CHCHD3: variants seen among roughly 807,000 people sequenced by gnomAD.
CHCHD3 encodes the protein MICOS complex subunit MIC19.
In CHCHD3, 20 loss-of-function variants were observed where a neutral mutation model predicts 38.2. The ratio of observed to expected loss-of-function variants is 0.52; its 90% CI spans 0.37 to 0.76. The LOEUF is 0.76. Ranked by LOEUF, CHCHD3 falls within the 30% of genes least tolerant of loss-of-function variation. The pLI is 0.00. For missense variants in CHCHD3, 245 were observed against 279.2 expected (o/e 0.88, Z 0.87); for synonymous variants, 82 against 100.0 (o/e 0.82, Z 1.07).
chr7:132,958,221 GAGA>G (rs1234514539), intron 4 of CHCHD3, among the ~76,000 whole-genome samples: 24 of 152,294 alleles, frequency 1.6e-4, no homozygotes, highest in African/African-American at 5.3e-4. Flanking sequence ...CAGGGCAGAG[GAGA>G]AGAACACAAC....
In CHCHD3 at chr7:132,821,560, A is replaced by G. The variant is rs566013386; in HGVS notation, c.524+16839T>C. On this transcript the variant is annotated intron_variant, in intron 6 of 7. Coordinates refer to ENST00000262570, the MANE Select transcript of CHCHD3 (RefSeq NM_017812.4). ...GAACCACAGACGAGAGAAAATAAGC[A>G]TATTTTCTGGTAGATGCTACAGCAA... is the stretch of plus-strand genomic sequence containing the variant. Among the ~76,000 whole-genome samples the G allele has an allele frequency of 5.3e-5, 8 of 152,244 alleles. No individual in the cohort carries two copies. In the East Asian group the frequency reaches 1.2e-3, roughly 22 times the overall value.
At position 133,071,461 on chromosome 7, in the gene CHCHD3, G is replaced by A. The variant is rs1348037266; in HGVS notation, c.82-1232C>T. Among the ~76,000 whole-genome samples the A allele has an allele frequency of 2.0e-5, 3 of 152,126 alleles. No individual in the cohort carries two copies. The East Asian group carries it at 5.8e-4, about 29-fold the overall frequency. The stretch of plus-strand genomic sequence containing the variant: ...AAACAGTTTGAACTTGACCCTGAGG[G>A]TACCTGAGCACTACTGAAGGATTTT... On this transcript the variant is annotated intron_variant, in intron 1 of 7. Coordinates refer to ENST00000262570, the MANE Select transcript of CHCHD3 (RefSeq NM_017812.4).
intron 3 of CHCHD3, among the ~76,000 whole-genome samples, chr7:132,996,370 T>C (rs899756683): frequency 6.6e-6 from 1 of 152,220 alleles, no homozygotes; most frequent in African/African-American, 2.4e-5. Context: ...TTCCACTCTT[T>C]GTTTTTCCCC....
intron 3 of CHCHD3, among the ~76,000 whole-genome samples, chr7:132,986,250 A>G (rs1316656294): frequency 6.8e-6 from 1 of 146,690 alleles, no homozygotes; most frequent in Admixed American, 6.8e-5. Context: ...TCAAGTACCC[A>G]GGGACATAAA....
intron 3 of CHCHD3, among the ~76,000 whole-genome samples, chr7:133,017,391 C>A (rs557581963): frequency 1.3e-5 from 2 of 152,324 alleles, no homozygotes; most frequent in Admixed American, 1.3e-4. Context: ...AAACATTAAT[C>A]TTTTATGCAA....
intron 4 of CHCHD3, among the ~76,000 whole-genome samples, chr7:132,905,376 C>G (rs1292341698): frequency 6.6e-6 from 1 of 151,768 alleles, no homozygotes; most frequent in African/African-American, 2.4e-5. Context: ...CATGTTCTCA[C>G]TTATAAGTGG....
intron 5 of CHCHD3, among the ~76,000 whole-genome samples, chr7:132,840,409 A>C (rs773596781): frequency 6.6e-6 from 1 of 152,236 alleles, no homozygotes; most frequent in Non-Finnish European, 1.5e-5. Flanking sequence ...CTAAGCAATA[A>C]CATCTTAATT....
At chr7:132,874,030 T>C (rs369584880) in intron 5 of CHCHD3, among the ~76,000 whole-genome samples, 1 of 152,304 alleles carries the variant, frequency 6.6e-6, no homozygotes, top group African/African-American at 2.4e-5. Flanking sequence ...ATTTGGAAGA[T>C]GCATCTCTAG....
At chr7:133,013,830 T>C (rs1193930984) in intron 3 of CHCHD3, among the ~76,000 whole-genome samples, 1 of 152,322 alleles carries the variant, frequency 6.6e-6, no homozygotes, top group East Asian at 1.9e-4. Context: ...CATCTGTATT[T>C]ACTGAATTCC....
intron 7 of CHCHD3, among the ~76,000 whole-genome samples, chr7:132,795,540 C>G (rs192975036): frequency 9.8e-4 from 149 of 152,274 alleles, no homozygotes; most frequent in African/African-American, 3.4e-3. Flanking sequence ...AATACTAACC[C>G]TCCCGTCGGA....
intron 6 of CHCHD3, chr7:132,830,602 C>A (rs769534492): frequency 6.6e-6 from 1 of 152,080 alleles, no homozygotes; most frequent in Non-Finnish European, 1.5e-5. Context: ...TCTAAATAAC[C>A]GAGTCCATGT....
chr7:132,807,606 AATATATATAT>A (rs55835343), intron 6 of CHCHD3, among the ~76,000 whole-genome samples: 29,031 of 108,818 alleles, frequency 0.27, 3,923 homozygotes, highest in Middle Eastern at 0.46. Flanking sequence ...CATACACATA[AATATATATAT>A]ATATATATAT....
intron 2 of CHCHD3, among the ~76,000 whole-genome samples, chr7:133,050,073 G>GT (rs1268525738): frequency 6.6e-6 from 1 of 152,084 alleles, no homozygotes; most frequent in African/African-American, 2.4e-5. Flanking sequence ...AGGGCCAGGC[G>GT]TGGTGGCTCA....
Position 132,937,996 on chromosome 7 carries a change from T to C in CHCHD3, c.369+37173A>G, listed in dbSNP as rs185098124. 8.5e-4 allele frequency among the ~76,000 whole-genome samples: 130 copies of C among 152,354 alleles called. 1 individual carries two copies. The East Asian group carries it at 0.014, about 17-fold the overall frequency. On this transcript the variant is annotated intron_variant, in intron 4 of 7. Transcript: ENST00000262570. ...TAAGAAAATTAATTCATTAAAAACC[T>C]GTATTACTTAAAAATAATACATGAA...
At chr7:132,891,552 G>A (rs1367280898) in intron 4 of CHCHD3, among the ~76,000 whole-genome samples, 1 of 152,190 alleles carries the variant, frequency 6.6e-6, no homozygotes, top group East Asian at 1.9e-4. Flanking sequence ...GCTGGTTTTG[G>A]TGCTTGTTTT....
intron 6 of CHCHD3, chr7:132,815,703 T>C: frequency 2.8e-6 from 1 of 357,650 alleles, no homozygotes; most frequent in East Asian, 8.8e-5. Flanking sequence ...CTTTAGGCTT[T>C]CGTCCTTCTT....
At chr7:132,913,838 G>A (rs1305992374) in intron 4 of CHCHD3, among the ~76,000 whole-genome samples, 1 of 152,106 alleles carries the variant, frequency 6.6e-6, no homozygotes, top group African/African-American at 2.4e-5. Flanking sequence ...AAGCAACTAC[G>A]CTGAGACAGC....
At position 133,035,805 on chromosome 7, in the gene CHCHD3, T is replaced by A; in HGVS notation, c.170-11178A>T. ...AGAGGTGCGGTTGGTTTGGCCAAAA[T>A]GGAAGTGGGGTGGTGCGGAGAGCAC... On this transcript the variant is annotated intron_variant, in intron 2 of 7. Transcript: ENST00000262570. This position sits in a 1 kb window ranked among gnomAD's most constrained non-coding sequence, Gnocchi z 4.7. The A allele has an allele frequency of 6.2e-7, 1 of 1,613,004 alleles. No homozygotes were observed. The highest frequency in any genetic ancestry group is 1.1e-5 in the South Asian group (1 of 91,054).
At chr7:133,021,796 C>G (rs955313887) in intron 3 of CHCHD3, among the ~76,000 whole-genome samples, 1 of 152,032 alleles carries the variant, frequency 6.6e-6, no homozygotes, top group Non-Finnish European at 1.5e-5. Flanking sequence ...TTTAAAATTT[C>G]CATTTAAATG....
Sources: allele counts gnomAD v4.1 joint callset (sites outside exome capture counted in the v4.1 genomes callset), GRCh38; gene constraint gnomAD v4.1.1; non-coding constraint Gnocchi (gnomAD v3.1); transcripts MANE v1.5; gene names NCBI Gene and HGNC (gene_info 2026-07-23, HGNC 2026-07-21).